The following STC2 variants were observed in gnomAD, a reference collection of about 807,000 sequenced individuals.
The protein encoded by STC2 is stanniocalcin 2.
In STC2, 7 loss-of-function variants were observed where a neutral mutation model predicts 22.7. The ratio of observed to expected loss-of-function variants is 0.31; its 90% CI spans 0.18 to 0.58. The LOEUF is 0.58. STC2 is among the 20% of genes least tolerant of loss of function. STC2 has a pLI of 0.89. For missense variants in STC2, 336 were observed against 406.2 expected, an observed-to-expected ratio of 0.83 and a Z score of 1.48; for synonymous variants, 158 against 163.4, an observed-to-expected ratio of 0.97 and a Z score of 0.25.
rs1470416832 is a variant in STC2 at position 173,325,850 on chromosome 5, C to A, written c.294+18G>T. 2 of 1,614,058 alleles carry A rather than the reference C, an allele frequency of 1.2e-6. No individual in the cohort carries two copies. The highest frequency in any genetic ancestry group is 1.3e-5 in the African/African-American group (1 of 75,046). On this transcript the variant is annotated intron_variant, in intron 2 of 3. Transcript: ENST00000265087. The surrounding 1 kb of genome is among the most constrained non-coding windows in gnomAD (Gnocchi z 4.7). ...ATGCTCACCCCAAACATTCTTCATG[C>A]TCTGGATGGATTTTTACCTGGGCAT...
chr5:173,318,577 A>C, intron 3 of STC2, among the ~76,000 whole-genome samples: 1 of 152,100 alleles, frequency 6.6e-6, no homozygotes, highest in South Asian at 2.1e-4. Flanking sequence ...TAATGGCAGG[A>C]GAGCTCTGGG....
chr5:173,317,953 G>A lies in STC2; in HGVS notation c.803C>T (p.Pro268Leu). The A allele has an allele frequency of 6.2e-7, 1 of 1,613,474 alleles. No individual in the cohort carries two copies. The highest frequency in any genetic ancestry group is 8.5e-7 in the Non-Finnish European group (1 of 1,179,962). The change falls in exon 4 of 4, where the codon CCA becomes CTA. Residue 268 changes from proline to leucine, a missense_variant. Physicochemically the swap from Pro to Leu is moderately conservative, Grantham distance 98 (BLOSUM62 -3). Coordinates refer to ENST00000265087, the MANE Select transcript of STC2 (RefSeq NM_003714.3). ...AKGERGSKSHPNAHARGRVGG... is the reference protein window; with the variant it reads ...AKGERGSKSHLNAHARGRVGG... ...GACTCTGCCTCGGGCATGGGCGTTT[G>A]GGTGGCTCTTGCTACCTCGCTCACC...
intron 3 of STC2, among the ~76,000 whole-genome samples, chr5:173,322,446 A>G (rs1208079052): frequency 1.3e-5 from 2 of 152,216 alleles, no homozygotes; most frequent in Non-Finnish European, 2.9e-5. Context: ...ATTGAATTTC[A>G]AGTCTTGAAA....
At chr5:173,321,546 C>G (rs1044379821) in intron 3 of STC2, among the ~76,000 whole-genome samples, 2 of 152,188 alleles carry the variant, frequency 1.3e-5, no homozygotes, top group Non-Finnish European at 2.9e-5. Flanking sequence ...ATGTGGGGAG[C>G]TGTGAGCCCT....
intron 3 of STC2, among the ~76,000 whole-genome samples, chr5:173,319,510 C>T (rs67920403): frequency 0.11 from 16,586 of 152,310 alleles, 1,911 homozygotes; most frequent in African/African-American, 0.29. Context: ...TTTGTCCTCC[C>T]TAAGTCTGGG....
At chr5:173,318,603 C>A (rs1367325371) in intron 3 of STC2, among the ~76,000 whole-genome samples, 1 of 152,146 alleles carries the variant, frequency 6.6e-6, no homozygotes, top group African/African-American at 2.4e-5. Flanking sequence ...TTAGGCTACA[C>A]TAACTAGGTG....
chr5:173,322,335 A>C (rs1762497114), intron 3 of STC2, among the ~76,000 whole-genome samples: 1 of 152,108 alleles, frequency 6.6e-6, no homozygotes, highest in Non-Finnish European at 1.5e-5. Context: ...GCCCTGCCTC[A>C]TGTTAGGAAC....
rs1171143433 is a variant in STC2 at position 173,315,475 on chromosome 5, TA to T, written c.*2371del. The T allele has an allele frequency of 8.5e-5, 13 of 152,136 alleles. No homozygotes were observed. The highest frequency in any genetic ancestry group is 3.1e-4 in the African/African-American group (13 of 41,412). The allele number at this position is 152,136 out of a possible 1,614,324, so 9.4% of individuals were successfully genotyped here. A position where few individuals can be genotyped will look rare whatever the true frequency, so the allele number is the denominator to read the frequency against. On this transcript the variant is annotated 3_prime_UTR_variant, in exon 4 of 4. Coordinates refer to ENST00000265087, the MANE Select transcript of STC2 (RefSeq NM_003714.3). ...GAACACAGTAAACCATTTTATGCCT[TA>T]GGGGGAAAACACAGAGATAATAAAT...
chr5:173,322,751 T>G (rs1762502227), intron 3 of STC2, among the ~76,000 whole-genome samples: 1 of 152,222 alleles, frequency 6.6e-6, no homozygotes, highest in Non-Finnish European at 1.5e-5. Flanking sequence ...AGTTTTCTCA[T>G]CTGTCAAATG....
Position 173,323,167 on chromosome 5 carries a change from C to T in STC2, c.506+52G>A. 1.3e-6 allele frequency: 2 copies of T among 1,586,280 alleles called. No individual in the cohort carries two copies. On this transcript the variant is annotated intron_variant, in intron 3 of 3. Transcript: ENST00000265087. The surrounding 1 kb of genome is among the most constrained non-coding windows in gnomAD (Gnocchi z 5.4). Reference sequence around the variant, plus strand: ...GCGGCTCTCCTCCCATACACATTGCCATCCTTGCTGGGTGGCCCCTTCACC... The same window carrying T: ...GCGGCTCTCCTCCCATACACATTGCTATCCTTGCTGGGTGGCCCCTTCACC...
chr5:173,325,073 G>A lies in STC2; in HGVS notation c.294+795C>T, dbSNP rs918298757. ...CCTAAGCTGATGGCCACCTCCAAAT[G>A]TTGGCATTGCTCTCCAATGAAGCAG... On this transcript the variant is annotated intron_variant, in intron 2 of 3. Coordinates refer to ENST00000265087, the MANE Select transcript of STC2 (RefSeq NM_003714.3). This position sits in a 1 kb window ranked among gnomAD's most constrained non-coding sequence, Gnocchi z 4.7. Among the ~76,000 whole-genome samples, 2 of 152,218 alleles carry A rather than the reference G, an allele frequency of 1.3e-5. No homozygotes were observed. Among genetic ancestry groups the A allele is most frequent in the African/African-American group, 4.8e-5 (2 of 41,456 alleles).
chr5:173,318,348 TGCTGGGAA>T, intron 3 of STC2, 99 bp from the exon 4 acceptor site: 1 of 1,224,170 alleles, frequency 8.2e-7, no homozygotes, highest in Non-Finnish European at 1.0e-6. Flanking sequence ...GCAGGGGCAA[TGCTGGGAA>T]GGAGGCATGG....
intron 3 of STC2, 151 bp from the exon 4 acceptor site, chr5:173,318,400 T>C: frequency 1.2e-6 from 1 of 828,184 alleles, no homozygotes; most frequent in Non-Finnish European, 1.6e-6. Flanking sequence ...GGAAGATCTC[T>C]CTCAAATGAC....
chr5:173,318,300 G>GAGAGAGAGAGAGAGAGAGAGAGAGAGAGA lies in STC2; in HGVS notation c.507-52_507-51insTCTCTCTCTCTCTCTCTCTCTCTCTCTCT, dbSNP rs67125584. 1.5e-5 allele frequency: 20 copies of GAGAGAGAGAGAGAGAGAGAGAGAGAGAGA among 1,349,110 alleles called. No homozygotes were observed. In the African/African-American group the frequency reaches 3.0e-4, roughly 20 times the overall value. The allele number at this position is 1,349,110 out of a possible 1,614,324, so 83.6% of individuals were successfully genotyped here. On this transcript the variant is annotated intron_variant, in intron 3 of 3. Coordinates refer to ENST00000265087, the MANE Select transcript of STC2 (RefSeq NM_003714.3). ...AGAGAGAGAGAGAGAGAGAGAGAGAGGCTGGGAATGGAGCAAGTCCCGAAT... is the reference window on the plus strand; with the variant it reads ...AGAGAGAGAGAGAGAGAGAGAGAGAGAGAGAGAGAGAGAGAGAGAGAGAGAGAGAGCTGGGAATGGAGCAAGTCCCGAAT...
At chr5:173,321,989 T>C (rs1762492830) in intron 3 of STC2, among the ~76,000 whole-genome samples, 1 of 152,240 alleles carries the variant, frequency 6.6e-6, no homozygotes, top group South Asian at 2.1e-4. Flanking sequence ...CGCCATGAAT[T>C]GTATGATTCT....
chr5:173,316,552 G>A lies in STC2; in HGVS notation c.*1295C>T, dbSNP rs538030509. The A allele has an allele frequency of 2.4e-4, 37 of 152,068 alleles. No individual in the cohort carries two copies. The highest frequency in any genetic ancestry group is 8.7e-4 in the African/African-American group (36 of 41,468). The allele number at this position is 152,068 out of a possible 1,614,324, so 9.4% of individuals were successfully genotyped here. A position where few individuals can be genotyped will look rare whatever the true frequency, so the allele number is the denominator to read the frequency against. ...TCACTCTCCTTTCCTCGTATTTTTA[G>A]TTCTGTCTCTTCTCTCTGCCTTTAT... On this transcript the variant is annotated 3_prime_UTR_variant, in exon 4 of 4. Coordinates refer to ENST00000265087, the MANE Select transcript of STC2 (RefSeq NM_003714.3).
Position 173,323,519 on chromosome 5 carries a change from T to G in STC2, c.295-89A>C. 3 of 1,264,142 alleles carry G rather than the reference T, an allele frequency of 2.4e-6. No homozygotes were observed. The highest frequency in any genetic ancestry group is 1.5e-5 in the African/African-American group (1 of 67,446). The allele number at this position is 1,264,142 out of a possible 1,614,324, so 78.3% of individuals were successfully genotyped here. A position where few individuals can be genotyped will look rare whatever the true frequency, so the allele number is the denominator to read the frequency against. The stretch of plus-strand genomic sequence containing the variant: ...TGGACATTTCAGCCCTTCTTGGGCT[T>G]ACACAGGATATTTCTGACATCAGAA... On this transcript the variant is annotated intron_variant, in intron 2 of 3. Transcript: ENST00000265087. This position sits in a 1 kb window ranked among gnomAD's most constrained non-coding sequence, Gnocchi z 5.4.
At chr5:173,318,338 G>A in intron 3 of STC2, 89 bp from the exon 4 acceptor site, 1 of 1,277,386 alleles carries the variant, frequency 7.8e-7, no homozygotes, top group Non-Finnish European at 1.0e-6. Flanking sequence ...ACCACAGAGG[G>A]CAGGGGCAAT....
rs1421031872 is a variant in STC2, at chr5:173,328,247, TTCCTCC to T, written c.-60_-55del. 5 of 1,387,300 alleles carry T rather than the reference TTCCTCC, an allele frequency of 3.6e-6. No homozygotes were observed. The African/African-American group carries it at 4.4e-5, about 12-fold the overall frequency. 85.9% of individuals were successfully genotyped at this position (1,387,300 alleles called of 1,614,324 possible). A position where few individuals can be genotyped will look rare whatever the true frequency, so the allele number is the denominator to read the frequency against. On this transcript the variant is annotated 5_prime_UTR_variant, in exon 1 of 4. Transcript: ENST00000265087. ...GACCTGGATCCTTTGTGCTCCCCTC[TTCCTCC>T]TCCTCCTCTTCCTCCTTCGCCGCTT...
Sources: allele counts gnomAD v4.1 joint callset (sites outside exome capture counted in the v4.1 genomes callset), GRCh38; gene constraint gnomAD v4.1.1; non-coding constraint Gnocchi (gnomAD v3.1); transcripts MANE v1.5; gene names NCBI Gene and HGNC (gene_info 2026-07-23, HGNC 2026-07-21).